The following SOX5 variants were observed in gnomAD, a reference collection of about 807,000 sequenced individuals.
SOX5 encodes SRY-box transcription factor 5, also known as transcription factor SOX-5.
In SOX5, 9 loss-of-function variants were observed where a neutral mutation model predicts 92.0. That is an observed-to-expected ratio of 0.10 (90% confidence interval 0.06 to 0.17). The LOEUF is 0.17. SOX5 is among the 10% of genes least tolerant of loss of function. The probability of loss-of-function intolerance (pLI) is 1.00; values close to 1 mark genes in which losing one functional copy is unlikely to be tolerated. For synonymous variants in SOX5, 344 were observed against 336.3 expected (o/e 1.02, Z -0.25); for missense variants, 642 against 944.5 (o/e 0.68, Z 4.20).
chr12:23,927,122 T>C (rs778586811), intron 1 of SOX5, among the ~76,000 whole-genome samples: 22 of 152,292 alleles, frequency 1.4e-4, no homozygotes, highest in Non-Finnish European at 2.6e-4. Context: ...GTCTGGATTT[T>C]ATGAATCAAC....
At chr12:23,799,541 G>A (rs1460560654) in intron 3 of SOX5, among the ~76,000 whole-genome samples, 1 of 152,038 alleles carries the variant, frequency 6.6e-6, no homozygotes, top group Non-Finnish European at 1.5e-5. Flanking sequence ...GTTAAAGTAT[G>A]ATAAAGCAAC....
chr12:23,707,409 TTA>T (rs1252936734), intron 6 of SOX5, among the ~76,000 whole-genome samples: 5 of 152,138 alleles, frequency 3.3e-5, no homozygotes, highest in African/African-American at 9.7e-5. Context: ...CCTGAGTGAA[TTA>T]GTCTGAGTTT....
intron 1 of SOX5, chr12:23,920,222 C>T (rs961709758): frequency 6.6e-6 from 1 of 152,118 alleles, no homozygotes; most frequent in Non-Finnish European, 1.5e-5. Flanking sequence ...ATGTTTTCTA[C>T]AAAAAGCGAT....
Position 23,957,663 on chromosome 12 carries a change from T to C in SOX5, c.-1-61639A>G, listed in dbSNP as rs575072468. On this transcript the variant is annotated intron_variant, in intron 4 of 4. Coordinates refer to the SOX5 transcript ENST00000446891. The stretch of plus-strand genomic sequence containing the variant: ...GACACTCTGAAGAGCTGCTTCCATA[T>C]AGACAACTTGCTTTTTTCATGCTGT... 1.8e-3 allele frequency among the ~76,000 whole-genome samples: 272 copies of C among 152,338 alleles called. 2 individuals are homozygous for C. Among genetic ancestry groups the C allele is most frequent in the African/African-American group, 5.7e-3 (238 of 41,582 alleles).
chr12:24,217,853 C>T (rs1959392650), intron 3 of SOX5, among the ~76,000 whole-genome samples: 1 of 152,100 alleles, frequency 6.6e-6, no homozygotes, highest in Non-Finnish European at 1.5e-5. Context: ...AGACATTTCA[C>T]TAGAGAAGAT....
rs201940951 is a variant in SOX5 at position 23,762,613 on chromosome 12, G to A, written c.482-6889C>T. The A allele has an allele frequency of 3.7e-3, 1,558 of 418,250 alleles. 2 individuals are homozygous for A. Among genetic ancestry groups the A allele is most frequent in the East Asian group, 0.02 (523 of 25,584 alleles). 25.9% of individuals were successfully genotyped at this position (418,250 alleles called of 1,614,324 possible). ...TAATGAGAGCCTGTTAATACAAAAA[G>A]AAAAAAAAAAAAGTCTTTGGCTGAC... is the stretch of plus-strand genomic sequence containing the variant. On this transcript the variant is annotated intron_variant, in intron 3 of 14. Coordinates refer to ENST00000451604, the MANE Select transcript of SOX5 (RefSeq NM_006940.6).
intron 1 of SOX5, among the ~76,000 whole-genome samples, chr12:23,947,612 A>G (rs1944809070): frequency 6.6e-6 from 1 of 151,960 alleles, no homozygotes; most frequent in Non-Finnish European, 1.5e-5. Flanking sequence ...TTAGCTACTA[A>G]TATTTCTAAA....
intron 1 of SOX5, among the ~76,000 whole-genome samples, chr12:24,553,503 A>G (rs1355643957): frequency 4.6e-5 from 7 of 152,202 alleles, no homozygotes; most frequent in Admixed American, 3.3e-4. Context: ...TCACTCAGCA[A>G]TCATGTATGT....
rs370688502 is a variant in SOX5 at position 24,209,949 on chromosome 12, C to T, written c.-2+3394G>A. ...AGGAGAATGGCATGAACCCGGGAGG[C>T]GGAGCTTGCAGTGAGCCGAGATCCC... On this transcript the variant is annotated intron_variant, in intron 4 of 4. Transcript: ENST00000446891. Among the ~76,000 whole-genome samples, 6 of 117,970 alleles carry T rather than the reference C, an allele frequency of 5.1e-5. No homozygotes were observed. The South Asian group carries it at 1.2e-3, about 24-fold the overall frequency. The allele number at this position is 117,970 out of a possible 152,430, so 77.4% of individuals were successfully genotyped here.
At chr12:24,263,217 T>C (rs1410643703) in intron 3 of SOX5, among the ~76,000 whole-genome samples, 2 of 150,840 alleles carry the variant, frequency 1.3e-5, no homozygotes, top group African/African-American at 4.9e-5. Flanking sequence ...AGAGCAAGAC[T>C]CCATCTTAAA....
At chr12:24,318,054 T>C (rs1949861241) in intron 2 of SOX5, among the ~76,000 whole-genome samples, 1 of 151,698 alleles carries the variant, frequency 6.6e-6, no homozygotes, top group Admixed American at 6.6e-5. Context: ...CTACTAAAAA[T>C]ACAAAAATTA....
At chr12:23,652,517 G>GT (rs3030242) in intron 7 of SOX5, among the ~76,000 whole-genome samples, 78,096 of 139,964 alleles carry the variant, frequency 0.56, 21,722 homozygotes, top group African/African-American at 0.62. Context: ...CTCTTCTACT[G>GT]TTTTTTTTTT....
chr12:23,736,130 A>T (rs570438166), intron 5 of SOX5, among the ~76,000 whole-genome samples: 1 of 152,010 alleles, frequency 6.6e-6, no homozygotes, highest in East Asian at 1.9e-4. Flanking sequence ...TCTCATTCTC[A>T]TCAAGTAATA....
intron 2 of SOX5, among the ~76,000 whole-genome samples, chr12:24,298,195 T>C (rs1196778777): frequency 6.6e-6 from 1 of 152,110 alleles, no homozygotes; most frequent in African/African-American, 2.4e-5. Context: ...GCCTCCCCAG[T>C]AGCTGGGACC....
intron 2 of SOX5, among the ~76,000 whole-genome samples, chr12:24,290,510 C>T (rs904342785): frequency 6.6e-6 from 1 of 152,098 alleles, no homozygotes; most frequent in Non-Finnish European, 1.5e-5. Flanking sequence ...GAAGATAAGA[C>T]CTAGGTAAAT....
chr12:24,403,306 A>G (rs948261239), intron 1 of SOX5, among the ~76,000 whole-genome samples: 1 of 152,222 alleles, frequency 6.6e-6, no homozygotes, highest in African/African-American at 2.4e-5. Context: ...ATTCCCTATT[A>G]TAAAGACTCA....
chr12:24,118,537 CA>C (rs1178878523), intron 4 of SOX5, among the ~76,000 whole-genome samples: 1 of 151,202 alleles, frequency 6.6e-6, no homozygotes, highest in Non-Finnish European at 1.5e-5. Context: ...TTGATAACAT[CA>C]AAACAATAGA....
intron 8 of SOX5, among the ~76,000 whole-genome samples, chr12:23,632,749 A>G (rs1001955276): frequency 6.6e-6 from 1 of 152,092 alleles, no homozygotes; most frequent in Non-Finnish European, 1.5e-5. Flanking sequence ...GATTGCTATG[A>G]AAAAAGATTG....
At chr12:23,818,244 T>A (rs1364427735) in intron 3 of SOX5, among the ~76,000 whole-genome samples, 1 of 152,194 alleles carries the variant, frequency 6.6e-6, no homozygotes, top group Non-Finnish European at 1.5e-5. Flanking sequence ...AGCTGGTATG[T>A]AGCCTACTAC....
Sources: allele counts gnomAD v4.1 joint callset (sites outside exome capture counted in the v4.1 genomes callset), GRCh38; gene constraint gnomAD v4.1.1; transcripts MANE v1.5; gene names NCBI Gene and HGNC (gene_info 2026-07-23, HGNC 2026-07-21).